The following IQCE variants were observed in gnomAD, a reference collection of about 807,000 sequenced individuals.
IQCE encodes the protein IQ domain-containing protein E.
Under a neutral mutation model 96.0 loss-of-function variants are expected in IQCE, and 115 were observed. That is an observed-to-expected ratio of 1.20 (90% CI 1.03 to 1.40). The LOEUF (loss-of-function observed/expected upper bound fraction) is 1.40, where lower values mean the gene tolerates loss of function less well. Ranked by LOEUF, IQCE falls within the 40% of genes most tolerant of loss-of-function variation. The pLI, the probability that IQCE is intolerant of heterozygous loss-of-function variation, is 0.00. For synonymous variants in IQCE, 412 were observed against 371.2 expected, an observed-to-expected ratio of 1.11 and a Z score of -1.26; for missense variants, 1,041 against 909.1, an observed-to-expected ratio of 1.15 and a Z score of -1.87.
In IQCE at chr7:2,608,808, GTC is replaced by G. The variant is rs575550599; in HGVS notation, c.1970-1232_1970-1231del. ...TTCAGCTTTATTGACCTAAGGAAAT[GTC>G]TCTGTGAAAAGTATAAATCAAGCTT... is the stretch of plus-strand genomic sequence containing the variant. On this transcript the variant is annotated intron_variant, in intron 21 of 21. Coordinates refer to ENST00000402050, the MANE Select transcript of IQCE (RefSeq NM_152558.5). Among the ~76,000 whole-genome samples, 6 of 152,322 alleles carry G rather than the reference GTC, an allele frequency of 3.9e-5. No individual in the cohort carries two copies. In the East Asian group the frequency reaches 1.2e-3, roughly 29 times the overall value.
chr7:2,595,978 C>G lies in IQCE; in HGVS notation c.1440+1002C>G, dbSNP rs1351735277. ...GCACTTCTGGTGGTAGAAGGGCGTC[C>G]TCACAAATCCCCTTCCAGTGGGTAG... On this transcript the variant is annotated intron_variant, in intron 16 of 21. Coordinates refer to ENST00000402050, the MANE Select transcript of IQCE (RefSeq NM_152558.5). 1.3e-5 allele frequency among the ~76,000 whole-genome samples: 2 copies of G among 152,248 alleles called. 1 individual carries two copies. Among genetic ancestry groups the G allele is most frequent in the Admixed American group, 1.3e-4 (2 of 15,278 alleles).
rs201202578 is a variant in IQCE, at chr7:2,607,203, C to G, written c.1945C>G (p.Pro649Ala). The change falls in exon 21 of 22, where the codon CCA becomes GCA. Residue 649 changes from proline to alanine, a missense_variant. Transcript: ENST00000402050. ...ASATHGDASSPPFLAALPDPS... is the reference protein window; with the variant it reads ...ASATHGDASSAPFLAALPDPS... ...AGCCACACACGGGGACGCCTCCTCC[C>G]CACCCTTCCTCGCAGCTCTTCCTGG... 95 of 1,613,864 alleles carry G rather than the reference C, an allele frequency of 5.9e-5. No individual in the cohort carries two copies. The East Asian group carries it at 2.1e-3, about 36-fold the overall frequency.
intron 3 of IQCE, among the ~76,000 whole-genome samples, chr7:2,569,740 T>C (rs1781626456): frequency 6.6e-6 from 1 of 152,232 alleles, no homozygotes; most frequent in Admixed American, 6.5e-5. Context: ...GTGTCTATTT[T>C]ATATACGCGT....
At chr7:2,573,397 G>T (rs367893330) in intron 5 of IQCE, 21 bp from the exon 6 acceptor site, 6 of 1,202,194 alleles carry the variant, frequency 5.0e-6, no homozygotes, top group Non-Finnish European at 3.7e-6. Context: ...TCTTTGAAAC[G>T]ATTTGTTTAT....
intron 1 of IQCE, among the ~76,000 whole-genome samples, chr7:2,564,007 A>G (rs1781177155): frequency 6.6e-6 from 1 of 151,630 alleles, no homozygotes; most frequent in African/African-American, 2.4e-5. Context: ...CAGGAGTTCA[A>G]GACCAGCCTG....
At chr7:2,597,613 T>C (rs983548630) in intron 16 of IQCE, among the ~76,000 whole-genome samples, 20 of 152,342 alleles carry the variant, frequency 1.3e-4, no homozygotes, top group African/African-American at 4.6e-4. Flanking sequence ...TCATTTGTAT[T>C]GGGTAGTGTC....
intron 2 of IQCE, among the ~76,000 whole-genome samples, chr7:2,568,368 C>T (rs1022435882): frequency 1.3e-5 from 2 of 152,206 alleles, no homozygotes; most frequent in African/African-American, 4.8e-5. Flanking sequence ...ATTCCCAAAT[C>T]AGAAACACTC....
chr7:2,608,553 C>T (rs534789071), intron 21 of IQCE, among the ~76,000 whole-genome samples: 2 of 152,170 alleles, frequency 1.3e-5, no homozygotes, highest in Non-Finnish European at 2.9e-5. Flanking sequence ...CCTGGGGTTT[C>T]GGGGAGAATG....
intron 8 of IQCE, among the ~76,000 whole-genome samples, chr7:2,581,711 C>CCT (rs555502786): frequency 0.18 from 25,052 of 140,062 alleles, 2,393 homozygotes; most frequent in East Asian, 0.33. Context: ...AAAGAATGTT[C>CCT]TTTTTTTTTT....
At chr7:2,587,683 C>T in intron 12 of IQCE, 139 bp from the exon 13 acceptor site, 2 of 807,918 alleles carry the variant, frequency 2.5e-6, no homozygotes, top group South Asian at 1.5e-5. Context: ...CTCTGGTAGC[C>T]AGGACCTGTC....
intron 8 of IQCE, among the ~76,000 whole-genome samples, chr7:2,579,844 C>T (rs1484292829): frequency 1.3e-5 from 2 of 151,814 alleles, no homozygotes; most frequent in African/African-American, 2.4e-5. Context: ...CACGTGATCC[C>T]TGGCTTAGGG....
chr7:2,559,139 C>T lies in IQCE; in HGVS notation c.-43C>T. On this transcript the variant is annotated 5_prime_UTR_variant, in exon 1 of 22. Transcript: ENST00000402050. ...CCCGCGGATTCCCAGACCCGGACGC[C>T]CGAGCCAGCAACCCTGAGGGGCGGC... 4.1e-6 allele frequency: 5 copies of T among 1,206,354 alleles called. 1 individual carries two copies. The highest frequency in any genetic ancestry group is 5.2e-6 in the Non-Finnish European group (5 of 969,784). The allele number at this position is 1,206,354 out of a possible 1,614,324, so 74.7% of individuals were successfully genotyped here. A position where few individuals can be genotyped will look rare whatever the true frequency, so the allele number is the denominator to read the frequency against.
intron 2 of IQCE, among the ~76,000 whole-genome samples, chr7:2,567,772 C>T (rs79089541): frequency 0.02 from 3,109 of 152,362 alleles, 128 homozygotes; most frequent in African/African-American, 0.071. Flanking sequence ...AACCCGGCAC[C>T]AGCAGATCTC....
intron 2 of IQCE, 68 bp downstream of exon 2, chr7:2,567,231 GAAGCGTAAAATAGGCCGTTCTCC>G (rs1781447289): frequency 6.3e-6 from 8 of 1,264,844 alleles, no homozygotes; most frequent in Non-Finnish European, 9.2e-6. Context: ...ACTGCACTCG[GAAGCGTAAAATAGGCCGTTCTCC>G]ACAATACTGT....
At chr7:2,606,039 G>A (rs1271121402) in intron 20 of IQCE, 42 bp downstream of exon 20, 3 of 1,572,100 alleles carry the variant, frequency 1.9e-6, no homozygotes, top group Non-Finnish European at 1.7e-6. Flanking sequence ...GACATGGCAC[G>A]AGAGGCTGCC....
At chr7:2,576,910 G>A (rs947330404) in intron 6 of IQCE, among the ~76,000 whole-genome samples, 2 of 152,170 alleles carry the variant, frequency 1.3e-5, no homozygotes, top group Admixed American at 6.5e-5. Flanking sequence ...CGCGTGGTGC[G>A]GCACCGTCCA....
chr7:2,559,887 C>G (rs1248895903), intron 1 of IQCE, among the ~76,000 whole-genome samples: 1 of 151,762 alleles, frequency 6.6e-6, no homozygotes, highest in African/African-American at 2.4e-5. Context: ...GTGGCTCAGG[C>G]CGGTAGTCCC....
At chr7:2,585,320 G>A (rs573627972) in intron 11 of IQCE, among the ~76,000 whole-genome samples, 9 of 152,336 alleles carry the variant, frequency 5.9e-5, no homozygotes, top group African/African-American at 2.2e-4. Context: ...TTACAGGCAT[G>A]AGCCACCATG....
At chr7:2,564,713 T>C (rs879319174) in intron 1 of IQCE, among the ~76,000 whole-genome samples, 2 of 152,256 alleles carry the variant, frequency 1.3e-5, no homozygotes, top group African/African-American at 4.8e-5. Context: ...TGAGGCTTTT[T>C]TGTGGCCTAT....
Sources: allele counts gnomAD v4.1 joint callset (sites outside exome capture counted in the v4.1 genomes callset), GRCh38; gene constraint gnomAD v4.1.1; transcripts MANE v1.5; gene names NCBI Gene and HGNC (gene_info 2026-07-23, HGNC 2026-07-21).